Variants in FER1L5 observed in about 807,000 individuals in gnomAD.
The protein encoded by FER1L5 is fer-1 like family member 5.
A neutral mutation model predicts 279.9 loss-of-function variants in FER1L5; 187 were observed. That is an observed-to-expected ratio of 0.67 (90% CI 0.59 to 0.75). The LOEUF (loss-of-function observed/expected upper bound fraction) is 0.75, where lower values mean the gene tolerates loss of function less well. FER1L5 is among the 30% of genes least tolerant of loss of function. FER1L5 has a pLI of 0.00. For missense variants in FER1L5, 2,091 were observed against 2,594.4 expected, an observed-to-expected ratio of 0.81 and a Z score of 4.21; for synonymous variants, 921 against 989.7, an observed-to-expected ratio of 0.93 and a Z score of 1.30.
rs762448982 is a variant in FER1L5, at chr2:96,704,703, C to T, written c.*11C>T. On this transcript the variant is annotated 3_prime_UTR_variant, in exon 53 of 53. Transcript: ENST00000624922. ...GCCCCAGGAGACTAATTAGTCCATG[C>T]TGCCTGGCTTTCCTCCTGCTACCAA... is the stretch of plus-strand genomic sequence containing the variant. 6.2e-7 allele frequency: 1 copy of T among 1,609,906 alleles called. No individual in the cohort carries two copies. The highest frequency in any genetic ancestry group is 8.5e-7 in the Non-Finnish European group (1 of 1,176,324).
In FER1L5 at chr2:96,703,680, G is replaced by A. The variant is rs1391549250; in HGVS notation, c.5801+48G>A. On this transcript the variant is annotated intron_variant, in intron 51 of 52. Transcript: ENST00000624922. ...CACCAGATCTTTCTTGCTCCTCAGT[G>A]TGTATGGGGTGGTGACCAGTGGGCC... 7.0e-6 allele frequency: 11 copies of A among 1,565,390 alleles called. No individual in the cohort carries two copies. In the East Asian group the frequency reaches 2.2e-4, roughly 32 times the overall value.
chr2:96,695,291 G>C (rs982593415), intron 34 of FER1L5: 2 of 585,976 alleles, frequency 3.4e-6, no homozygotes, highest in Non-Finnish European at 5.6e-6. Flanking sequence ...ATGGGTTGGG[G>C]GACAGCGTCC....
chr2:96,686,218 G>A lies in FER1L5; in HGVS notation c.2097G>A (p.Val699=). The A allele has an allele frequency of 6.4e-7, 1 of 1,551,322 alleles. No homozygotes were observed. The highest frequency in any genetic ancestry group is 1.2e-5 in the South Asian group (1 of 84,032). Residue 699 remains valine (V), a synonymous_variant, in exon 23 of 53, where the codon GTG becomes GTA. Coordinates refer to ENST00000624922, the MANE Select transcript of FER1L5 (RefSeq NM_001293083.2). ...LPEPQMGLPD[V]MIWLVAKEQR... is the part of the protein sequence containing the mutation. Reference sequence around the variant, plus strand: ...AGCCCCAGATGGGCCTCCCTGACGTGATGATTTGGCTGGTGGCCAAGGAGC... The same window carrying A: ...AGCCCCAGATGGGCCTCCCTGACGTAATGATTTGGCTGGTGGCCAAGGAGC...
At chr2:96,647,693 G>C (rs574665689) in intron 3 of FER1L5, 85 bp from the exon 4 acceptor site, 1 of 987,380 alleles carries the variant, frequency 1.0e-6, no homozygotes, top group East Asian at 2.6e-5. Flanking sequence ...GGAGGAAACC[G>C]TCTCTAGCTA....
rs377113062 is a variant in FER1L5, at chr2:96,694,077, T to C, written c.3636+5T>C. On this transcript the variant is annotated splice_donor_5th_base_variant and intron_variant, in intron 33 of 52. Coordinates refer to ENST00000624922, the MANE Select transcript of FER1L5 (RefSeq NM_001293083.2). This position sits in a 1 kb window ranked among gnomAD's most constrained non-coding sequence, Gnocchi z 4.6. ...GAGCTGATCCTCCAGACTGAGGTATTGGGAGAGAGGGCCTGGCTGGGAAGT... is the reference window on the plus strand; with the variant it reads ...GAGCTGATCCTCCAGACTGAGGTATCGGGAGAGAGGGCCTGGCTGGGAAGT... 8 of 1,538,876 alleles carry C rather than the reference T, an allele frequency of 5.2e-6. No individual in the cohort carries two copies. The African/African-American group carries it at 1.1e-4, about 21-fold the overall frequency.
At position 96,651,961 on chromosome 2, in the gene FER1L5, A is replaced by G. The variant is rs2075399807; in HGVS notation, c.574A>G (p.Ile192Val). Reference protein sequence around the residue: ...NNIKPVVKVSIAGQQHQTRIK... With the variant: ...NNIKPVVKVSVAGQQHQTRIK... Reference sequence around the variant, plus strand: ...CATCAAACCAGTGGTGAAGGTGTCCATCGCAGGCCAGCAGCACCAGACACG... The same window carrying G: ...CATCAAACCAGTGGTGAAGGTGTCCGTCGCAGGCCAGCAGCACCAGACACG... Residue 192 changes from isoleucine (I) to valine (V), a missense_variant, in exon 7 of 53, where the codon ATC becomes GTC. Ile to Val is a conservative substitution (Grantham distance 29, BLOSUM62 3). Coordinates refer to ENST00000624922, the MANE Select transcript of FER1L5 (RefSeq NM_001293083.2). The G allele has an allele frequency of 1.3e-6, 2 of 1,551,974 alleles. No homozygotes were observed. Among genetic ancestry groups the G allele is most frequent in the South Asian group, 1.2e-5 (1 of 84,066 alleles).
At chr2:96,670,786 AAAAAAAT>A (rs947717379) in intron 18 of FER1L5, among the ~76,000 whole-genome samples, 24 of 151,280 alleles carry the variant, frequency 1.6e-4, no homozygotes, top group East Asian at 3.9e-4. Flanking sequence ...ACTCCGTCTG[AAAAAAAT>A]AAAAAATAAA....
intron 18 of FER1L5, among the ~76,000 whole-genome samples, 165 bp from the exon 19 acceptor site, chr2:96,672,912 C>A (rs945194129): frequency 6.6e-6 from 1 of 152,096 alleles, no homozygotes; most frequent in African/African-American, 2.4e-5. Flanking sequence ...CCTGGAGGAA[C>A]TGCCCTGGAT....
rs968004707 is a variant in FER1L5 at position 96,691,848 on chromosome 2, T to C, written c.3099T>C (p.Ala1033=). 9.0e-6 allele frequency: 14 copies of C among 1,551,430 alleles called. No homozygotes were observed. In the Middle Eastern group the frequency reaches 5.0e-4, roughly 56 times the overall value. ...AGGCTATGGATCTGAAATACCACGC[T>C]GGGAAGGAAGAGGACAGCAAGACAT... ...GSLAMDLKYH[A]GKEEDSKTWP... Residue 1033 remains alanine, a synonymous_variant, in exon 30 of 53, where the codon GCT becomes GCC. Transcript: ENST00000624922. This position sits in a 1 kb window ranked among gnomAD's most constrained non-coding sequence, Gnocchi z 6.0.
At chr2:96,662,883 G>A (rs1260156931) in intron 13 of FER1L5, among the ~76,000 whole-genome samples, 1 of 152,194 alleles carries the variant, frequency 6.6e-6, no homozygotes, top group African/African-American at 2.4e-5. Flanking sequence ...CCCAGTGAGT[G>A]GTTGGGTACC....
chr2:96,697,492 A>G (rs1261225822), intron 37 of FER1L5, 34 bp from the exon 38 acceptor site: 2 of 1,607,806 alleles, frequency 1.2e-6, no homozygotes, highest in Admixed American at 1.7e-5. Flanking sequence ...TGAGTGAGCT[A>G]TGGCTTTCCC....
Position 96,693,566 on chromosome 2 carries a change from CT to C in FER1L5, c.3354del (p.Ala1119GlnfsTer67). ...HSQCTQTLRSSAGPTWAQTLI... is the reference protein window; with the variant it reads ...HSQCTQTLRSXAGPTWAQTLI... ...CAGTGCACCCAAACCCTGAGGAGCT[CT>C]GCAGGCCCCACATGGGCCCAGACAC... On this transcript the variant is annotated frameshift_variant, in exon 32 of 53. Coordinates refer to ENST00000624922, the MANE Select transcript of FER1L5 (RefSeq NM_001293083.2). LOFTEE classifies it high-confidence loss of function. 1 of 1,551,584 alleles carries C rather than the reference CT, an allele frequency of 6.4e-7. No homozygotes were observed. The highest frequency in any genetic ancestry group is 1.2e-5 in the South Asian group (1 of 84,054).
intron 22 of FER1L5, 25 bp downstream of exon 22, chr2:96,686,142 CA>C: frequency 1.3e-6 from 2 of 1,547,070 alleles, no homozygotes; most frequent in Non-Finnish European, 1.7e-6. Context: ...CACTGGCCTG[CA>C]GCAGGGCTGG....
Position 96,686,149 on chromosome 2 carries a change from G to T in FER1L5, c.2073+32G>T, listed in dbSNP as rs371740340. On this transcript the variant is annotated intron_variant, in intron 22 of 52. Coordinates refer to ENST00000624922, the MANE Select transcript of FER1L5 (RefSeq NM_001293083.2). ...GCTGCACACACTGGCCTGCAGCAGG[G>T]CTGGGAGCCAGCCGCGCAGGGCCTG... is the stretch of plus-strand genomic sequence containing the variant. 225 of 1,546,872 alleles carry T rather than the reference G, an allele frequency of 1.5e-4. 3 individuals carry two copies. The East Asian group carries it at 3.3e-3, about 23-fold the overall frequency.
At position 96,700,385 on chromosome 2, in the gene FER1L5, C is replaced by T. The variant is rs1476055070; in HGVS notation, c.4984C>T (p.Leu1662=). 4 of 1,613,782 alleles carry T rather than the reference C, an allele frequency of 2.5e-6. No homozygotes were observed. In the African/African-American group the frequency reaches 4.0e-5, roughly 16 times the overall value. The part of the protein sequence containing the change: ...GLGPKKERLA[L]YLLHTQGLVP... Reference sequence around the variant, plus strand: ...GGGACCCAAGAAGGAACGCCTTGCACTGTACCTCCTGCACACCCAGGGGCT... The same window carrying T: ...GGGACCCAAGAAGGAACGCCTTGCATTGTACCTCCTGCACACCCAGGGGCT... The change falls in exon 45 of 53, where the codon CTG becomes TTG. Residue 1662 remains leucine, a synonymous_variant. Transcript: ENST00000624922.
At position 96,661,329 on chromosome 2, in the gene FER1L5, C is replaced by T; in HGVS notation, c.783C>T (p.His261=). ...DIGFIYHSPG[H]TLLRKWLGLC... Reference sequence around the variant, plus strand: ...ATGGCCTTTCTGCCTCTCTAGGTCACACACTCCTAAGGAAATGGCTAGGCC... The same window carrying T: ...ATGGCCTTTCTGCCTCTCTAGGTCATACACTCCTAAGGAAATGGCTAGGCC... Residue 261 remains histidine, a synonymous_variant, in exon 11 of 53, where the codon CAC becomes CAT. Transcript: ENST00000624922. 6.5e-7 allele frequency: 1 copy of T among 1,541,700 alleles called. No individual in the cohort carries two copies. Among genetic ancestry groups the T allele is most frequent in the Non-Finnish European group, 8.8e-7 (1 of 1,142,388 alleles).
At position 96,653,405 on chromosome 2, in the gene FER1L5, T is replaced by G. The variant is rs1573789428; in HGVS notation, c.634-235T>G. ...AATAATGAAAATCTGAAACCCAGAA[T>G]GCTCCAGTGAGCATTTCCTTTGAGG... On this transcript the variant is annotated intron_variant, in intron 7 of 52. Coordinates refer to ENST00000624922, the MANE Select transcript of FER1L5 (RefSeq NM_001293083.2). 9.5e-6 allele frequency: 5 copies of G among 524,098 alleles called. No homozygotes were observed. The East Asian group carries it at 1.7e-4, about 18-fold the overall frequency. The allele number at this position is 524,098 out of a possible 1,614,324, so 32.5% of individuals were successfully genotyped here. A position where few individuals can be genotyped will look rare whatever the true frequency, so the allele number is the denominator to read the frequency against.
intron 51 of FER1L5, 71 bp from the exon 52 acceptor site, chr2:96,704,142 GCT>G: frequency 6.4e-7 from 1 of 1,559,182 alleles, no homozygotes; most frequent in Non-Finnish European, 8.7e-7. Context: ...AAAAAAGAAA[GCT>G]CTTTGCATCA....
intron 34 of FER1L5, 59 bp from the exon 35 acceptor site, chr2:96,695,450 G>A: frequency 6.6e-7 from 1 of 1,509,508 alleles, no homozygotes; most frequent in Admixed American, 2.6e-5. Context: ...CTCTGGCCAG[G>A]ACCCCATTAC....
Sources: allele counts gnomAD v4.1 joint callset (sites outside exome capture counted in the v4.1 genomes callset), GRCh38; gene constraint gnomAD v4.1.1; non-coding constraint Gnocchi (gnomAD v3.1); transcripts MANE v1.5; gene names NCBI Gene and HGNC (gene_info 2026-07-23, HGNC 2026-07-21).